Variants in ITGB5 observed in about 807,000 individuals in gnomAD.
ITGB5 encodes the protein integrin subunit beta 5.
ITGB5 carries 38 observed loss-of-function variants against 84.8 expected under a neutral mutation model. That is an observed-to-expected ratio of 0.45 (90% CI 0.35 to 0.59). The LOEUF is 0.59. Ranked by LOEUF, ITGB5 falls within the 20% of genes least tolerant of loss-of-function variation. The pLI, the probability that ITGB5 is intolerant of heterozygous loss-of-function variation, is 0.01. For synonymous variants in ITGB5, 393 were observed against 414.4 expected (o/e 0.95, Z 0.63); for missense variants, 905 against 1,034.5 (o/e 0.87, Z 1.72).
intron 3 of ITGB5, among the ~76,000 whole-genome samples, chr3:124,857,694 T>C (rs1278007362): frequency 6.6e-6 from 1 of 152,178 alleles, no homozygotes; most frequent in African/African-American, 2.4e-5. Flanking sequence ...CCCTTTGACA[T>C]TGCAAGGCTT....
At chr3:124,856,741 A>G (rs1439063644) in intron 3 of ITGB5, among the ~76,000 whole-genome samples, 1 of 152,228 alleles carries the variant, frequency 6.6e-6, no homozygotes, top group Non-Finnish European at 1.5e-5. Flanking sequence ...ACGATGTTCC[A>G]ACATATTAAG....
At chr3:124,798,517 G>A (rs1337419387) in intron 9 of ITGB5, among the ~76,000 whole-genome samples, 2 of 151,974 alleles carry the variant, frequency 1.3e-5, no homozygotes, top group African/African-American at 4.8e-5. Flanking sequence ...CCTCCCAGGT[G>A]CAAGCGATTT....
intron 1 of ITGB5, 72 bp from the exon 2 acceptor site, chr3:124,873,603 G>C: frequency 1.8e-6 from 2 of 1,120,230 alleles, no homozygotes; most frequent in Non-Finnish European, 2.7e-6. Flanking sequence ...TTTGAATAGG[G>C]GGAATTACAT....
intron 10 of ITGB5, among the ~76,000 whole-genome samples, chr3:124,781,799 TG>T (rs2064009750): frequency 6.6e-6 from 1 of 152,172 alleles, no homozygotes; most frequent in African/African-American, 2.4e-5. Flanking sequence ...ACGTCTCCCC[TG>T]CTCTCCTAGG....
At chr3:124,771,568 G>GC (rs2063844335) in intron 11 of ITGB5, among the ~76,000 whole-genome samples, 2 of 151,892 alleles carry the variant, frequency 1.3e-5, no homozygotes, top group South Asian at 4.2e-4. Flanking sequence ...GGTCAACATA[G>GC]CAAGACCCTG....
chr3:124,875,235 T>C (rs907450443), intron 1 of ITGB5, among the ~76,000 whole-genome samples: 1 of 152,106 alleles, frequency 6.6e-6, no homozygotes, highest in Non-Finnish European at 1.5e-5. Context: ...ACTAGCACTT[T>C]ATGAGGCCGA....
Position 124,808,879 on chromosome 3 carries a change from T to C in ITGB5, c.1263+143A>G, listed in dbSNP as rs1053339869. On this transcript the variant is annotated intron_variant, in intron 9 of 14. Transcript: ENST00000296181. ...TCTGAACACATCATGCAAAACAGGC[T>C]TAGGAGACTCCTCTGGGATGCTGAA... is the stretch of plus-strand genomic sequence containing the variant. 4.7e-5 allele frequency: 42 copies of C among 887,514 alleles called. No individual in the cohort carries two copies. In the East Asian group the frequency reaches 1.0e-3, roughly 21 times the overall value. The allele number at this position is 887,514 out of a possible 1,614,324, so 55.0% of individuals were successfully genotyped here.
intron 5 of ITGB5, among the ~76,000 whole-genome samples, chr3:124,838,748 C>A (rs367811831): frequency 6.6e-6 from 1 of 152,032 alleles, no homozygotes; most frequent in East Asian, 1.9e-4. Context: ...ACTACAGGCG[C>A]CTGCCACCAC....
chr3:124,867,026 A>C (rs974164496), intron 2 of ITGB5, among the ~76,000 whole-genome samples: 1 of 152,138 alleles, frequency 6.6e-6, no homozygotes, highest in Non-Finnish European at 1.5e-5. Context: ...TTTTCATTTC[A>C]GTTGGCCCAT....
intron 8 of ITGB5, 101 bp downstream of exon 8, chr3:124,817,520 G>A (rs919510765): frequency 8.0e-6 from 5 of 622,726 alleles, no homozygotes; most frequent in South Asian, 2.2e-5. Flanking sequence ...GCCAAGAAGA[G>A]CAGCACGGAG....
At chr3:124,859,792 G>A (rs2065271487) in intron 2 of ITGB5, among the ~76,000 whole-genome samples, 1 of 152,122 alleles carries the variant, frequency 6.6e-6, no homozygotes, top group Non-Finnish European at 1.5e-5. Flanking sequence ...TTTAAAAGTT[G>A]TTATATATTG....
intron 2 of ITGB5, among the ~76,000 whole-genome samples, chr3:124,864,771 T>C (rs1476530995): frequency 6.6e-6 from 1 of 152,054 alleles, no homozygotes; most frequent in East Asian, 1.9e-4. Flanking sequence ...AAGAAAGTCC[T>C]CCTCACATGA....
intron 2 of ITGB5, among the ~76,000 whole-genome samples, chr3:124,870,408 G>C (rs1302095910): frequency 1.3e-5 from 2 of 152,174 alleles, no homozygotes; most frequent in Non-Finnish European, 2.9e-5. Flanking sequence ...CGCCATTCAG[G>C]AATACAGCAA....
intron 9 of ITGB5, among the ~76,000 whole-genome samples, chr3:124,805,662 G>A (rs910258494): frequency 6.6e-6 from 1 of 152,114 alleles, no homozygotes; most frequent in Non-Finnish European, 1.5e-5. Flanking sequence ...TCATTGTCCA[G>A]GCTGGTTTTA....
chr3:124,865,474 C>CTTTTTTT (rs1559977008), intron 2 of ITGB5, among the ~76,000 whole-genome samples: 1 of 57,876 alleles, frequency 1.7e-5, no homozygotes, highest in Admixed American at 2.1e-4. Flanking sequence ...TCCTTTGCGG[C>CTTTTTTT]TTTTTTCTTT....
intron 10 of ITGB5, among the ~76,000 whole-genome samples, chr3:124,793,708 A>G (rs1223539623): frequency 6.6e-6 from 1 of 152,250 alleles, no homozygotes; most frequent in Admixed American, 6.5e-5. Flanking sequence ...ATGGAGCCCA[A>G]ACTTTTTCTA....
At chr3:124,803,708 C>A (rs899213643) in intron 9 of ITGB5, among the ~76,000 whole-genome samples, 1 of 152,180 alleles carries the variant, frequency 6.6e-6, no homozygotes, top group Non-Finnish European at 1.5e-5. Flanking sequence ...TGCAGGGGGG[C>A]TCAGTCAGCG....
intron 5 of ITGB5, among the ~76,000 whole-genome samples, chr3:124,829,409 A>G (rs946113445): frequency 7.2e-5 from 11 of 152,376 alleles, no homozygotes; most frequent in Non-Finnish European, 1.5e-4. Flanking sequence ...GCATCCGGTC[A>G]GGGCTGCGAG....
chr3:124,770,281 A>C (rs2063823240), intron 11 of ITGB5: 1 of 152,252 alleles, frequency 6.6e-6, no homozygotes, highest in African/African-American at 2.4e-5. Context: ...GGAGGGTGAG[A>C]CACCAGGAGA....
Sources: gnomAD v4.1 joint callset for allele counts (sites outside exome capture counted in the v4.1 genomes callset) on GRCh38, gnomAD v4.1.1 for gene constraint, MANE v1.5 for transcripts, NCBI Gene and HGNC (gene_info 2026-07-23, HGNC 2026-07-21) for gene names.